AGTR1: variants seen among roughly 807,000 people sequenced by gnomAD.
AGTR1 encodes the protein angiotensin II receptor type 1.
In AGTR1, 16 loss-of-function variants were observed where a neutral mutation model predicts 19.4. The ratio of observed to expected loss-of-function variants is 0.82; its 90% CI spans 0.56 to 1.25. The LOEUF (loss-of-function observed/expected upper bound fraction) is 1.25, where lower values mean the gene tolerates loss of function less well. Ranked by LOEUF, AGTR1 falls within the 50% of genes most tolerant of loss-of-function variation. The pLI is 0.00. For missense variants in AGTR1, 373 were observed against 431.9 expected (o/e 0.86, Z 1.21); for synonymous variants, 153 against 154.9 (o/e 0.99, Z 0.09).
intron 2 of AGTR1, among the ~76,000 whole-genome samples, chr3:148,737,086 A>G (rs1275929876): frequency 1.3e-5 from 2 of 152,172 alleles, no homozygotes; most frequent in African/African-American, 4.8e-5. Flanking sequence ...GCCAATCACA[A>G]AAGTCCCATC....
chr3:148,728,132 C>A (rs1016579510), intron 2 of AGTR1, among the ~76,000 whole-genome samples: 3 of 151,954 alleles, frequency 2.0e-5, no homozygotes, highest in Admixed American at 1.3e-4. Flanking sequence ...GATGACCATG[C>A]CAAAAAGTAA....
rs12721245 is a variant in AGTR1 at position 148,699,804 on chromosome 3, G to T, written c.-132+1677G>T. On this transcript the variant is annotated intron_variant, in intron 1 of 2. Coordinates refer to ENST00000349243, the MANE Select transcript of AGTR1 (RefSeq NM_000685.5). ...AGTCTGTTACCCACTCTCTCTCCCC[G>T]CCACCTTTTTTCCCCCTGACTTCAT... is the stretch of plus-strand genomic sequence containing the variant. 5.3e-3 allele frequency among the ~76,000 whole-genome samples: 811 copies of T among 152,064 alleles called. 6 individuals are homozygous for T. Among genetic ancestry groups the T allele is most frequent in the African/African-American group, 0.019 (785 of 41,458 alleles).
chr3:148,705,082 G>T (rs1712591620), intron 1 of AGTR1, among the ~76,000 whole-genome samples: 1 of 152,082 alleles, frequency 6.6e-6, no homozygotes, highest in Admixed American at 6.6e-5. Context: ...AAAAAATAAA[G>T]TACCAGTGAT....
At chr3:148,715,431 A>T (rs1713241318) in intron 2 of AGTR1, among the ~76,000 whole-genome samples, 1 of 152,184 alleles carries the variant, frequency 6.6e-6, no homozygotes, top group South Asian at 2.1e-4. Context: ...TTTCCAATAG[A>T]TGGGAGCCAA....
intron 2 of AGTR1, among the ~76,000 whole-genome samples, chr3:148,736,448 G>T (rs1485932605): frequency 6.6e-6 from 1 of 152,166 alleles, no homozygotes. Flanking sequence ...TTACTCTCAC[G>T]CTTTCTTAAC....
Position 148,702,097 on chromosome 3 carries a change from C to T in AGTR1, c.-132+3970C>T, listed in dbSNP as rs12721206. ...GGTTCAAATGATTTTCCTGCCTCAG[C>T]CTCCTTAGTAGCTGGGATTACAGGT... On this transcript the variant is annotated intron_variant, in intron 1 of 2. Transcript: ENST00000349243. Among the ~76,000 whole-genome samples, 1,354 of 151,682 alleles carry T rather than the reference C, an allele frequency of 8.9e-3. 14 individuals are homozygous for T. Among genetic ancestry groups the T allele is most frequent in the African/African-American group, 0.032 (1,308 of 41,290 alleles).
At chr3:148,701,481 G>A (rs1450240903) in intron 1 of AGTR1, among the ~76,000 whole-genome samples, 1 of 152,174 alleles carries the variant, frequency 6.6e-6, no homozygotes, top group Admixed American at 6.5e-5. Context: ...TATAAATGCT[G>A]TATGATTACA....
Position 148,716,315 on chromosome 3 carries a change from T to C in AGTR1, c.-48+8288T>C, listed in dbSNP as rs12721265. 0.02 allele frequency among the ~76,000 whole-genome samples: 3,061 copies of C among 152,260 alleles called. 117 individuals carry two copies. Among genetic ancestry groups the C allele is most frequent in the African/African-American group, 0.07 (2,927 of 41,536 alleles). ...TCCTAGAAATGGGGTTGTGTTGAGTTGACAGAGATGTGTGGCTCTTTAAAC... is the reference window on the plus strand; with the variant it reads ...TCCTAGAAATGGGGTTGTGTTGAGTCGACAGAGATGTGTGGCTCTTTAAAC... On this transcript the variant is annotated intron_variant, in intron 2 of 2. Coordinates refer to ENST00000349243, the MANE Select transcript of AGTR1 (RefSeq NM_000685.5). The surrounding 1 kb of genome is among the most constrained non-coding windows in gnomAD (Gnocchi z 4.7).
Position 148,732,704 on chromosome 3 carries a change from G to C in AGTR1, c.-47-8285G>C, listed in dbSNP as rs1223637649. Among the ~76,000 whole-genome samples, 40 of 149,274 alleles carry C rather than the reference G, an allele frequency of 2.7e-4. 1 individual carries two copies. Among genetic ancestry groups the C allele is most frequent in the Admixed American group, 2.7e-3 (40 of 15,030 alleles). ...ATGATGCATACCTGTTCAATGGAAG[G>C]ATTATAAAAGTTCATGCTTCGGAAA... On this transcript the variant is annotated intron_variant, in intron 2 of 2. Transcript: ENST00000349243.
intron 2 of AGTR1, among the ~76,000 whole-genome samples, chr3:148,736,987 C>T (rs1177048170): frequency 2.6e-5 from 4 of 152,176 alleles, no homozygotes; most frequent in African/African-American, 7.2e-5. Context: ...CTCTCTCCTT[C>T]GGCTTCTCAC....
chr3:148,701,368 T>C (rs1576521430), intron 1 of AGTR1, among the ~76,000 whole-genome samples: 1 of 152,216 alleles, frequency 6.6e-6, no homozygotes, highest in East Asian at 1.9e-4. Flanking sequence ...ATGGGATTTT[T>C]CTTCTTATCA....
At chr3:148,737,596 A>C (rs571331847) in intron 2 of AGTR1, among the ~76,000 whole-genome samples, 20 of 152,264 alleles carry the variant, frequency 1.3e-4, no homozygotes, top group African/African-American at 4.8e-4. Context: ...ACACCCACAC[A>C]TGGTAGGTGT....
In AGTR1 at chr3:148,716,767, T is replaced by G. The variant is rs1193355381; in HGVS notation, c.-48+8740T>G. Among the ~76,000 whole-genome samples the G allele has an allele frequency of 6.6e-6, 1 of 152,196 alleles. No individual in the cohort carries two copies. Among genetic ancestry groups the G allele is most frequent in the African/African-American group, 2.4e-5 (1 of 41,458 alleles). On this transcript the variant is annotated intron_variant, in intron 2 of 2. Transcript: ENST00000349243. The surrounding 1 kb of genome is among the most constrained non-coding windows in gnomAD (Gnocchi z 4.7). ...GTTGCATTTTAAGCAAGATTATGGT[T>G]TTTTCTTTGAGTTCTCTGAATTTGA...
intron 2 of AGTR1, among the ~76,000 whole-genome samples, chr3:148,725,085 AAAC>A (rs1713852941): frequency 6.6e-6 from 1 of 152,206 alleles, no homozygotes; most frequent in Non-Finnish European, 1.5e-5. Context: ...TTCTATTAAA[AAAC>A]AACAATTACC....
chr3:148,705,593 A>G (rs948439399), intron 1 of AGTR1, among the ~76,000 whole-genome samples: 1 of 152,128 alleles, frequency 6.6e-6, no homozygotes, highest in African/African-American at 2.4e-5. Flanking sequence ...TCTATTATCT[A>G]CTGAGTTACC....
intron 1 of AGTR1, among the ~76,000 whole-genome samples, chr3:148,698,637 C>T (rs956921812): frequency 2.6e-5 from 4 of 152,130 alleles, no homozygotes; most frequent in Admixed American, 1.3e-4. Flanking sequence ...CCCTGCAAAC[C>T]ATAGCGGTGG....
At chr3:148,698,359 C>T (rs1576519861) in intron 1 of AGTR1, 2 of 152,352 alleles carry the variant, frequency 1.3e-5, no homozygotes, top group East Asian at 1.9e-4. Flanking sequence ...TGCCACGTGC[C>T]TCGAAATTCT....
chr3:148,726,294 C>T (rs1263025734), intron 2 of AGTR1, among the ~76,000 whole-genome samples: 5 of 152,000 alleles, frequency 3.3e-5, no homozygotes, highest in African/African-American at 1.2e-4. Context: ...CTGCAACTTC[C>T]ACCTCCTGGG....
chr3:148,727,506 T>C (rs974873563), intron 2 of AGTR1, among the ~76,000 whole-genome samples: 3 of 152,164 alleles, frequency 2.0e-5, no homozygotes, highest in Non-Finnish European at 4.4e-5. Context: ...AGTGCAGACC[T>C]TGGGGCCACG....
Sources: gnomAD v4.1 joint callset for allele counts (sites outside exome capture counted in the v4.1 genomes callset) on GRCh38, gnomAD v4.1.1 for gene constraint, Gnocchi (gnomAD v3.1) non-coding constraint, MANE v1.5 for transcripts, NCBI Gene and HGNC (gene_info 2026-07-23, HGNC 2026-07-21) for gene names.